ROR1: variants seen among roughly 807,000 people sequenced by gnomAD.
ROR1 encodes inactive tyrosine-protein kinase transmembrane receptor ROR1.
Under a neutral mutation model 78.8 loss-of-function variants are expected in ROR1, and 19 were observed. The observed-to-expected ratio is 0.24, with a 90% CI of 0.17 to 0.35. The LOEUF is 0.35. ROR1 is among the 10% of genes least tolerant of loss of function. The probability of loss-of-function intolerance (pLI) is 1.00; values close to 1 mark genes in which losing one functional copy is unlikely to be tolerated. For missense variants in ROR1, 917 were observed against 1,177.8 expected, an observed-to-expected ratio of 0.78 and a Z score of 3.24; for synonymous variants, 386 against 433.6, an observed-to-expected ratio of 0.89 and a Z score of 1.36.
rs546831937 is a variant in ROR1, at chr1:64,024,612, G to T, written c.163+15236G>T. ...TTATTCTAGCTTTGTGTTATAAATA[G>T]TAGGGTGATGATAAATGCCTTAAAG... On this transcript the variant is annotated intron_variant, in intron 2 of 8. Coordinates refer to ENST00000371079, the MANE Select transcript of ROR1 (RefSeq NM_005012.4). 5.0e-4 allele frequency among the ~76,000 whole-genome samples: 76 copies of T among 152,314 alleles called. 1 individual carries two copies. The highest frequency in any genetic ancestry group is 3.5e-3 in the South Asian group (17 of 4,824).
At chr1:63,975,445 TA>T (rs1006824636) in intron 1 of ROR1, among the ~76,000 whole-genome samples, 7 of 152,158 alleles carry the variant, frequency 4.6e-5, no homozygotes, top group Admixed American at 3.9e-4. Flanking sequence ...CTTCAGTCTT[TA>T]AAAAACTGAA....
chr1:63,786,650 G>T (rs888305819), intron 1 of ROR1, among the ~76,000 whole-genome samples: 8 of 149,532 alleles, frequency 5.4e-5, no homozygotes, highest in African/African-American at 2.0e-4. Flanking sequence ...TAGATAAGGT[G>T]GTCAAAACCT....
chr1:64,045,331 T>TA (rs56279322), intron 2 of ROR1, among the ~76,000 whole-genome samples: 13 of 151,576 alleles, frequency 8.6e-5, no homozygotes, highest in African/African-American at 2.4e-4. Context: ...TATTCAATAA[T>TA]AAAAAAAAAA....
intron 8 of ROR1, among the ~76,000 whole-genome samples, chr1:64,167,859 C>T (rs1172849622): frequency 6.6e-6 from 1 of 152,172 alleles, no homozygotes; most frequent in Non-Finnish European, 1.5e-5. Context: ...GCTCTTATAC[C>T]TTGAGCATTT....
At chr1:63,868,404 G>T (rs955403181) in intron 1 of ROR1, among the ~76,000 whole-genome samples, 2 of 152,166 alleles carry the variant, frequency 1.3e-5, no homozygotes, top group African/African-American at 4.8e-5. Context: ...GGCAGAGGGA[G>T]GCTGGGCCAT....
At chr1:63,990,854 AAT>A (rs1438907631) in intron 1 of ROR1, among the ~76,000 whole-genome samples, 1 of 152,242 alleles carries the variant, frequency 6.6e-6, no homozygotes, top group East Asian at 1.9e-4. Context: ...TTGGCATTTT[AAT>A]AGAGTACCCA....
intron 1 of ROR1, among the ~76,000 whole-genome samples, chr1:63,814,208 G>A (rs373909794): frequency 2.2e-4 from 34 of 152,236 alleles, no homozygotes; most frequent in African/African-American, 7.5e-4. Context: ...CACCTTCTGC[G>A]CCCTCTGGCA....
At chr1:64,174,595 A>G (rs1650326312) in intron 8 of ROR1, among the ~76,000 whole-genome samples, 1 of 152,208 alleles carries the variant, frequency 6.6e-6, no homozygotes, top group Admixed American at 6.5e-5. Flanking sequence ...AAGAAGTTTT[A>G]GTACTCAGTC....
intron 4 of ROR1, among the ~76,000 whole-genome samples, chr1:64,128,235 G>T (rs1161454478): frequency 1.4e-5 from 2 of 138,206 alleles, no homozygotes. Flanking sequence ...TGGGAGGATT[G>T]CTTGAGTCCA....
At chr1:63,861,562 A>G (rs1322790105) in intron 1 of ROR1, among the ~76,000 whole-genome samples, 1 of 152,196 alleles carries the variant, frequency 6.6e-6, no homozygotes, top group African/African-American at 2.4e-5. Flanking sequence ...AGGAAATACC[A>G]CTGCCACTGC....
intron 1 of ROR1, among the ~76,000 whole-genome samples, chr1:63,876,665 T>C (rs941230679): frequency 1.6e-5 from 2 of 128,718 alleles, no homozygotes; most frequent in African/African-American, 8.4e-5. Context: ...TGTGTGTGTG[T>C]GTGTGTGTGT....
intron 1 of ROR1, among the ~76,000 whole-genome samples, chr1:63,817,290 A>G (rs1404968792): frequency 6.6e-6 from 1 of 152,120 alleles, no homozygotes; most frequent in Non-Finnish European, 1.5e-5. Flanking sequence ...TATCTACAAG[A>G]AGGGTATAGC....
intron 4 of ROR1, among the ~76,000 whole-genome samples, chr1:64,084,719 T>C (rs1647136531): frequency 6.6e-6 from 1 of 152,230 alleles, no homozygotes; most frequent in Non-Finnish European, 1.5e-5. Context: ...TCTGCAAGTA[T>C]GACTTATGCC....
intron 7 of ROR1, among the ~76,000 whole-genome samples, chr1:64,157,978 A>AGCT (rs1188468508): frequency 6.6e-6 from 1 of 152,214 alleles, no homozygotes; most frequent in African/African-American, 2.4e-5. Context: ...TCTTAAAGAT[A>AGCT]GCTGATCTTC....
intron 4 of ROR1, among the ~76,000 whole-genome samples, chr1:64,065,521 A>T (rs1646949401): frequency 6.6e-6 from 1 of 152,202 alleles, no homozygotes; most frequent in Non-Finnish European, 1.5e-5. Context: ...GAGATATCAG[A>T]TACAGGCTTC....
intron 1 of ROR1, among the ~76,000 whole-genome samples, chr1:63,847,635 C>T (rs1645089494): frequency 6.6e-6 from 1 of 152,182 alleles, no homozygotes; most frequent in Non-Finnish European, 1.5e-5. Context: ...GTAAAACCCA[C>T]TTCAATTGAA....
intron 4 of ROR1, among the ~76,000 whole-genome samples, chr1:64,067,710 C>CTTT (rs986756579): frequency 2.6e-4 from 27 of 105,636 alleles, no homozygotes; most frequent in East Asian, 4.8e-4. Flanking sequence ...TAAATAAATT[C>CTTT]TTTTTTTTTT....
chr1:63,790,421 A>G lies in ROR1; in HGVS notation c.91+15913A>G, dbSNP rs189537893. Among the ~76,000 whole-genome samples, 30 of 152,338 alleles carry G rather than the reference A, an allele frequency of 2.0e-4. No individual in the cohort carries two copies. The South Asian group carries it at 2.3e-3, about 12-fold the overall frequency. On this transcript the variant is annotated intron_variant, in intron 1 of 8. Transcript: ENST00000371079. ...AGGAATCCAGCCCTGTAAAAAGTCA[A>G]TCAGGCTAAATGACACCTGCTGTGA... is the stretch of plus-strand genomic sequence containing the variant.
chr1:64,051,445 G>C (rs572517289), intron 4 of ROR1, among the ~76,000 whole-genome samples: 4 of 105,882 alleles, frequency 3.8e-5, no homozygotes, highest in Non-Finnish European at 8.1e-5. Context: ...GTGAGACTCC[G>C]TCTCAAAAAT....
Sources: gnomAD v4.1 joint callset for allele counts (sites outside exome capture counted in the v4.1 genomes callset) on GRCh38, gnomAD v4.1.1 for gene constraint, MANE v1.5 for transcripts, NCBI Gene and HGNC (gene_info 2026-07-23, HGNC 2026-07-21) for gene names.